The following PTDSS2 variants were observed in gnomAD, a reference collection of about 807,000 sequenced individuals.
The protein encoded by PTDSS2 is phosphatidylserine synthase 2.
Under a neutral mutation model 64.7 loss-of-function variants are expected in PTDSS2, and 41 were observed. The observed-to-expected ratio is 0.63, with a 90% CI of 0.49 to 0.82. The LOEUF (loss-of-function observed/expected upper bound fraction) is 0.82. Among genes scored for constraint, PTDSS2 ranks in the 40% least tolerant of loss-of-function variants. The pLI, the probability that PTDSS2 is intolerant of heterozygous loss-of-function variation, is 0.00. For missense variants in PTDSS2, 485 were observed against 650.0 expected, an observed-to-expected ratio of 0.75 and a Z score of 2.76; for synonymous variants, 297 against 277.8, an observed-to-expected ratio of 1.07 and a Z score of -0.69.
In PTDSS2 at chr11:460,659, C is replaced by T. The variant is rs1314993620; in HGVS notation, c.284+371C>T. The T allele has an allele frequency of 3.5e-5, 7 of 199,838 alleles. No individual in the cohort carries two copies. The highest frequency in any genetic ancestry group is 1.3e-4 in the East Asian group (1 of 7,658). The allele number at this position is 199,838 out of a possible 1,614,324, so 12.4% of individuals were successfully genotyped here. A position where few individuals can be genotyped will look rare whatever the true frequency, so the allele number is the denominator to read the frequency against. ...GGGGGTGAGGTTCCTGCGGTGGCCGCGTGCTGGTTCCGTTAGCCAGCGGGG... is the reference window on the plus strand; with the variant it reads ...GGGGGTGAGGTTCCTGCGGTGGCCGTGTGCTGGTTCCGTTAGCCAGCGGGG... On this transcript the variant is annotated intron_variant, in intron 2 of 11. Transcript: ENST00000308020. The surrounding 1 kb of genome is among the most constrained non-coding windows in gnomAD (Gnocchi z 5.8).
chr11:490,437 A>G lies in PTDSS2; in HGVS notation c.1319A>G (p.Tyr440Cys). 1.2e-6 allele frequency: 2 copies of G among 1,613,268 alleles called. No homozygotes were observed. Among genetic ancestry groups the G allele is most frequent in the Non-Finnish European group, 8.5e-7 (1 of 1,179,952 alleles). The change falls in exon 12 of 12, where the codon TAC (tyrosine) becomes TGC (cysteine). Residue 440 changes from tyrosine to cysteine, a missense_variant. Coordinates refer to ENST00000308020, the MANE Select transcript of PTDSS2 (RefSeq NM_030783.3). Reference protein sequence around the residue: ...RFFLRDITLRYKETRWQKWQN... With the variant: ...RFFLRDITLRCKETRWQKWQN... The stretch of plus-strand genomic sequence containing the variant: ...CTCCCCAGGGACATCACATTGAGGT[A>G]CAAGGAGACCCGGTGGCAGAAGTGG...
At position 489,546 on chromosome 11, in the gene PTDSS2, G is replaced by A. The variant is rs562117937; in HGVS notation, c.969+32G>A. ...CCGGGCTGCCTCGCGACGGCGCGGC[G>A]GGCGGGGGGCCAGAGCTGGTGCTCA... On this transcript the variant is annotated intron_variant, in intron 9 of 11. Transcript: ENST00000308020. The A allele has an allele frequency of 1.2e-4, 198 of 1,608,804 alleles. 2 individuals are homozygous for A. In the South Asian group the frequency reaches 1.5e-3, roughly 13 times the overall value.
In PTDSS2 at chr11:462,744, G is replaced by T. The variant is rs1590624926; in HGVS notation, c.284+2456G>T. Among the ~76,000 whole-genome samples, 1 of 152,176 alleles carries T rather than the reference G, an allele frequency of 6.6e-6. No homozygotes were observed. On this transcript the variant is annotated intron_variant, in intron 2 of 11. Transcript: ENST00000308020. The surrounding 1 kb of genome is among the most constrained non-coding windows in gnomAD (Gnocchi z 4.5). ...TGCCCCTACGCAGGGTGTCCACACA[G>T]AGGGTGTCCGCACACAGGGTGCCCA...
At chr11:456,805 G>A (rs1473689217) in intron 1 of PTDSS2, among the ~76,000 whole-genome samples, 1 of 152,228 alleles carries the variant, frequency 6.6e-6, no homozygotes, top group Non-Finnish European at 1.5e-5. Flanking sequence ...GGGCCCCACG[G>A]TGTGGAGCTC....
chr11:464,285 G>A (rs1311150908), intron 2 of PTDSS2, among the ~76,000 whole-genome samples: 3 of 152,120 alleles, frequency 2.0e-5, no homozygotes, highest in African/African-American at 4.8e-5. Flanking sequence ...GCCCGGCCCC[G>A]TTTTGCTTTT....
At position 450,336 on chromosome 11, in the gene PTDSS2, G is replaced by A; in HGVS notation, c.-120G>A. 1 of 895,482 alleles carries A rather than the reference G, an allele frequency of 1.1e-6. No homozygotes were observed. Among genetic ancestry groups the A allele is most frequent in the Non-Finnish European group, 1.5e-6 (1 of 686,850 alleles). 55.5% of individuals were successfully genotyped at this position (895,482 alleles called of 1,614,324 possible). ...CCGCGCTGCTCTCCTAAGACCCCGC[G>A]GGCCAGCGCCGCGACCCCTTCCCAG... On this transcript the variant is annotated 5_prime_UTR_variant, in exon 1 of 12. Transcript: ENST00000308020.
intron 2 of PTDSS2, among the ~76,000 whole-genome samples, chr11:466,425 A>G (rs1293259197): frequency 8.4e-5 from 9 of 107,024 alleles, no homozygotes; most frequent in Non-Finnish European, 1.4e-4. Flanking sequence ...TTTTTTTTTG[A>G]GACAGAGTAT....
intron 1 of PTDSS2, among the ~76,000 whole-genome samples, chr11:457,751 G>A (rs1471221878): frequency 2.0e-5 from 3 of 152,250 alleles, no homozygotes; most frequent in Non-Finnish European, 4.4e-5. Context: ...ACGTTTGGGA[G>A]TGTGTCTTTG....
intron 2 of PTDSS2, among the ~76,000 whole-genome samples, chr11:467,809 A>G (rs1312436136): frequency 2.6e-5 from 4 of 152,140 alleles, no homozygotes; most frequent in Non-Finnish European, 5.9e-5. Flanking sequence ...CTGAATATTT[A>G]TCCAACTGAA....
intron 2 of PTDSS2, among the ~76,000 whole-genome samples, chr11:468,382 G>A (rs1847238604): frequency 6.6e-6 from 1 of 152,246 alleles, no homozygotes; most frequent in African/African-American, 2.4e-5. Context: ...GCACCATCCT[G>A]GTTGGTACAT....
At chr11:477,934 C>T (rs1021409428) in intron 3 of PTDSS2, among the ~76,000 whole-genome samples, 8 of 152,222 alleles carry the variant, frequency 5.3e-5, no homozygotes, top group Admixed American at 1.3e-4. Context: ...TTCCTAAGAA[C>T]GCCAGGGCGT....
chr11:460,695 G>C lies in PTDSS2; in HGVS notation c.284+407G>C, dbSNP rs955894721. ...CGTTAGCCAGCGGGGCTCTTGCACG[G>C]ACAGGGGCCGACACGGACCGCAGAC... On this transcript the variant is annotated intron_variant, in intron 2 of 11. Transcript: ENST00000308020. The surrounding 1 kb of genome is among the most constrained non-coding windows in gnomAD (Gnocchi z 5.8). The C allele has an allele frequency of 5.0e-5, 9 of 181,092 alleles. No homozygotes were observed. The highest frequency in any genetic ancestry group is 2.1e-4 in the African/African-American group (9 of 42,594). 11.2% of individuals were successfully genotyped at this position (181,092 alleles called of 1,614,324 possible).
upstream of PTDSS2, chr11:448,419 T>C (rs1173000829): frequency 1.3e-5 from 2 of 151,072 alleles, no homozygotes; most frequent in Admixed American, 6.6e-5. Flanking sequence ...GCGCCTGGAA[T>C]GTGAGCGCCA....
At position 484,811 on chromosome 11, in the gene PTDSS2, G is replaced by A. The variant is rs554061676; in HGVS notation, c.436-2128G>A. Among the ~76,000 whole-genome samples the A allele has an allele frequency of 3.5e-3, 400 of 114,496 alleles. 4 individuals are homozygous for A. Among genetic ancestry groups the A allele is most frequent in the African/African-American group, 0.012 (381 of 32,788 alleles). 75.1% of individuals were successfully genotyped at this position (114,496 alleles called of 152,430 possible). ...AGGCGAGTGTAAACTGCACGGGCGCGTGTGCTCACCGTGTGCGCAGGCGAG... is the reference window on the plus strand; with the variant it reads ...AGGCGAGTGTAAACTGCACGGGCGCATGTGCTCACCGTGTGCGCAGGCGAG... On this transcript the variant is annotated intron_variant, in intron 4 of 11. Coordinates refer to ENST00000308020, the MANE Select transcript of PTDSS2 (RefSeq NM_030783.3).
At chr11:489,098 G>C (rs115637331) in intron 8 of PTDSS2, among the ~76,000 whole-genome samples, 3 of 152,244 alleles carry the variant, frequency 2.0e-5, no homozygotes, top group African/African-American at 7.2e-5. Flanking sequence ...ACGGCACCGT[G>C]GAGCGCCCTC....
chr11:450,411 C>G lies in PTDSS2; in HGVS notation c.-45C>G, dbSNP rs1291631145. On this transcript the variant is annotated 5_prime_UTR_variant, in exon 1 of 12. Coordinates refer to ENST00000308020, the MANE Select transcript of PTDSS2 (RefSeq NM_030783.3). ...GTCCTCTCGCCGGTGACCCGGTGTG[C>G]GTGGGGTCGAGGCGCCGGGCGGAGT... is the stretch of plus-strand genomic sequence containing the variant. 8.2e-7 allele frequency: 1 copy of G among 1,215,782 alleles called. No individual in the cohort carries two copies. The highest frequency in any genetic ancestry group is 1.6e-5 in the African/African-American group (1 of 63,698). The allele number at this position is 1,215,782 out of a possible 1,614,324, so 75.3% of individuals were successfully genotyped here.
chr11:490,791 T>TGTGTGTATGC lies in PTDSS2; in HGVS notation c.*216_*217insTGCGTGTGTA, dbSNP rs1554958773. On this transcript the variant is annotated 3_prime_UTR_variant, in exon 12 of 12. Transcript: ENST00000308020. ...GTACACGTGTGTACGTGTGTATGCG[T>TGTGTGTATGC]GTGTGTACGCGTGTGTACGCGCGTG... 9.8e-5 allele frequency: 56 copies of TGTGTGTATGC among 573,976 alleles called. No individual in the cohort carries two copies. The highest frequency in any genetic ancestry group is 1.4e-4 in the East Asian group (5 of 35,124). The allele number at this position is 573,976 out of a possible 1,614,324, so 35.6% of individuals were successfully genotyped here. A position where few individuals can be genotyped will look rare whatever the true frequency, so the allele number is the denominator to read the frequency against.
At chr11:465,616 T>G (rs759582132) in intron 2 of PTDSS2, among the ~76,000 whole-genome samples, 2 of 152,192 alleles carry the variant, frequency 1.3e-5, no homozygotes, top group Non-Finnish European at 2.9e-5. Context: ...ACTTGATCAA[T>G]TGGACTTCAT....
intron 3 of PTDSS2, among the ~76,000 whole-genome samples, chr11:477,356 T>C (rs1847852391): frequency 6.6e-6 from 1 of 152,210 alleles, no homozygotes; most frequent in Non-Finnish European, 1.5e-5. Flanking sequence ...AGGCTGCCTG[T>C]CTGTCTTTCC....
Sources: allele counts gnomAD v4.1 joint callset (sites outside exome capture counted in the v4.1 genomes callset), GRCh38; gene constraint gnomAD v4.1.1; non-coding constraint Gnocchi (gnomAD v3.1); transcripts MANE v1.5; gene names NCBI Gene and HGNC (gene_info 2026-07-23, HGNC 2026-07-21).